The following PRUNE1 variants were observed in gnomAD, a reference collection of about 807,000 sequenced individuals.
The protein encoded by PRUNE1 is exopolyphosphatase PRUNE1.
A neutral mutation model predicts 42.5 loss-of-function variants in PRUNE1; 25 were observed. The ratio of observed to expected loss-of-function variants is 0.59; its 90% CI spans 0.43 to 0.82. PRUNE1 has a LOEUF of 0.82. PRUNE1 is among the 40% of genes least tolerant of loss of function. The pLI is 0.00. For missense variants in PRUNE1, 443 were observed against 539.3 expected (o/e 0.82, Z 1.77); for synonymous variants, 203 against 217.1 (o/e 0.93, Z 0.57).
rs372676216 is a variant in PRUNE1, at chr1:151,018,116, A to G, written c.132+212A>G. On this transcript the variant is annotated intron_variant, in intron 2 of 7. Transcript: ENST00000271620. ...AGTGAGCAAATATATTTCGAGGGAT[A>G]TGTAAACCATAAAGCAATATTCAAA... is the stretch of plus-strand genomic sequence containing the variant. 9.2e-5 allele frequency among the ~76,000 whole-genome samples: 14 copies of G among 152,184 alleles called. 1 individual carries two copies. The East Asian group carries it at 1.2e-3, about 13-fold the overall frequency.
rs376932344 is a variant in PRUNE1, at chr1:151,008,555, G to A, written c.-78G>A. The A allele has an allele frequency of 8.5e-5, 132 of 1,550,926 alleles. No homozygotes were observed. In the African/African-American group the frequency reaches 1.7e-3, roughly 20 times the overall value. On this transcript the variant is annotated 5_prime_UTR_variant, in exon 1 of 8. Transcript: ENST00000271620. ...CTAGTCCCTGAGTCCCGGGCGGGCT[G>A]CATTCGTCGGGGAAACCTCTCCTCG...
chr1:151,028,882 A>G lies in PRUNE1; in HGVS notation c.871A>G (p.Thr291Ala), dbSNP rs940068920. Residue 291 changes from threonine to alanine, a missense_variant, in exon 7 of 8, where the codon ACT becomes GCT. Thr to Ala is a moderately conservative substitution (Grantham distance 58). Coordinates refer to ENST00000271620, the MANE Select transcript of PRUNE1 (RefSeq NM_021222.3). ...GGTTGCCATGACTATCTTTTTCAAC[A>G]CTCACAATGAGCCAGTGCGGCAGTT... Reference protein sequence around the residue: ...VLVAMTIFFNTHNEPVRQLAI... With the variant: ...VLVAMTIFFNAHNEPVRQLAI... The G allele has an allele frequency of 7.4e-6, 12 of 1,613,356 alleles. No homozygotes were observed. Among genetic ancestry groups the G allele is most frequent in the African/African-American group, 1.3e-5 (1 of 74,710 alleles).
chr1:151,020,528 T>C (rs6673336), intron 3 of PRUNE1, among the ~76,000 whole-genome samples: 2,270 of 151,584 alleles, frequency 0.015, 54 homozygotes, highest in African/African-American at 0.05. Flanking sequence ...TTTGGGAGGG[T>C]GAAACAGGAG....
In PRUNE1 at chr1:151,033,929, C is replaced by G. The variant is rs1487546795; in HGVS notation, c.1057C>G (p.Pro353Ala). 6.2e-7 allele frequency: 1 copy of G among 1,614,082 alleles called. No individual in the cohort carries two copies. Among genetic ancestry groups the G allele is most frequent in the Non-Finnish European group, 8.5e-7 (1 of 1,179,964 alleles). The change falls in exon 8 of 8, where the codon CCC (proline) becomes GCC (alanine). Residue 353 changes from proline (P) to alanine (A), a missense_variant. Transcript: ENST00000271620. ...CCAGGTCTCTCGAAAGAAACTTCTG[C>G]CCCTGCTCCAGGAAGCCCTGTCAGC... is the stretch of plus-strand genomic sequence containing the variant. ...NTQVSRKKLL[P>A]LLQEALSAYF...
rs1196134468 is a variant in PRUNE1 at position 151,024,600 on chromosome 1, C to T, written c.336-11C>T. ...CTTTCTTCCTCTTTTCCCATACCCTCCCCTCCACAGAAGTGACACAGCCCT... is the reference window on the plus strand; with the variant it reads ...CTTTCTTCCTCTTTTCCCATACCCTTCCCTCCACAGAAGTGACACAGCCCT... On this transcript the variant is annotated splice_polypyrimidine_tract_variant and intron_variant, in intron 3 of 7. Coordinates refer to ENST00000271620, the MANE Select transcript of PRUNE1 (RefSeq NM_021222.3). 1 of 1,594,526 alleles carries T rather than the reference C, an allele frequency of 6.3e-7. No homozygotes were observed. Among genetic ancestry groups the T allele is most frequent in the Non-Finnish European group, 8.6e-7 (1 of 1,162,306 alleles).
chr1:151,013,582 G>T (rs1216315495), intron 1 of PRUNE1, among the ~76,000 whole-genome samples: 1 of 152,154 alleles, frequency 6.6e-6, no homozygotes, highest in East Asian at 1.9e-4. Context: ...AAATAAGCGT[G>T]GAAAGGTTCT....
chr1:151,034,449 T>C lies in PRUNE1; in HGVS notation c.*215T>C. On this transcript the variant is annotated 3_prime_UTR_variant, in exon 8 of 8. Coordinates refer to ENST00000271620, the MANE Select transcript of PRUNE1 (RefSeq NM_021222.3). ...CCTAATCTCTACCAATCAGACACAT[T>C]TTATTATTTAAATCTGCACCTCTCT... The C allele has an allele frequency of 7.3e-6, 4 of 548,128 alleles. No homozygotes were observed. Among genetic ancestry groups the C allele is most frequent in the South Asian group, 2.4e-5 (1 of 41,610 alleles). The allele number at this position is 548,128 out of a possible 1,614,324, so 34.0% of individuals were successfully genotyped here. A position where few individuals can be genotyped will look rare whatever the true frequency, so the allele number is the denominator to read the frequency against.
Position 151,008,522 on chromosome 1 carries a change from T to C in PRUNE1, c.-111T>C. The C allele has an allele frequency of 1.4e-6, 2 of 1,409,194 alleles. No individual in the cohort carries two copies. The highest frequency in any genetic ancestry group is 1.4e-5 in the African/African-American group (1 of 70,972). The allele number at this position is 1,409,194 out of a possible 1,614,324, so 87.3% of individuals were successfully genotyped here. ...GCGGGTTCGAGTCCCGCCTCCTGAC[T>C]CTGGCCTCTAGTCCCTGAGTCCCGG... On this transcript the variant is annotated 5_prime_UTR_variant, in exon 1 of 8. Transcript: ENST00000271620.
chr1:151,027,495 C>T (rs1293024965), intron 6 of PRUNE1, among the ~76,000 whole-genome samples, 168 bp downstream of exon 6: 1 of 152,064 alleles, frequency 6.6e-6, no homozygotes, highest in Non-Finnish European at 1.5e-5. Flanking sequence ...CACTGCACCG[C>T]TGTATTAGCC....
chr1:151,033,107 C>T (rs764139092), intron 7 of PRUNE1, among the ~76,000 whole-genome samples: 16 of 127,634 alleles, frequency 1.3e-4, no homozygotes, highest in East Asian at 4.8e-4. Flanking sequence ...TTTTTTGAGA[C>T]GGAGTTTCGC....
At chr1:151,030,705 C>T (rs748406974) in intron 7 of PRUNE1, among the ~76,000 whole-genome samples, 1 of 152,062 alleles carries the variant, frequency 6.6e-6, no homozygotes, top group African/African-American at 2.4e-5. Flanking sequence ...AGGCAGGTCT[C>T]GAACTCCTGA....
chr1:151,035,634 T>C lies in PRUNE1; in HGVS notation c.*1400T>C, dbSNP rs1276664136. ...GAAGGTAAAAATAGTGGTGTGATCA[T>C]GAACCAAAGGAATTTATGTTTTGTA... On this transcript the variant is annotated 3_prime_UTR_variant, in exon 8 of 8. Coordinates refer to ENST00000271620, the MANE Select transcript of PRUNE1 (RefSeq NM_021222.3). 6.6e-6 allele frequency: 1 copy of C among 152,632 alleles called. No individual in the cohort carries two copies. The highest frequency in any genetic ancestry group is 1.5e-5 in the Non-Finnish European group (1 of 68,042). 9.5% of individuals were successfully genotyped at this position (152,632 alleles called of 1,614,324 possible).
chr1:151,024,478 A>G (rs1674692413), intron 3 of PRUNE1, 133 bp from the exon 4 acceptor site: 3 of 843,090 alleles, frequency 3.6e-6, no homozygotes, highest in Non-Finnish European at 5.6e-6. Flanking sequence ...CTGGGCGACA[A>G]GAGTGAAACT....
At chr1:151,008,984 A>G (rs77664983) in intron 1 of PRUNE1, 8,147 of 536,176 alleles carry the variant, frequency 0.015, 107 homozygotes, top group African/African-American at 0.048. Context: ...GGTCAGTTCC[A>G]TCAAAAAAAC....
chr1:151,016,558 A>G (rs1005293730), intron 1 of PRUNE1, among the ~76,000 whole-genome samples: 19 of 151,838 alleles, frequency 1.3e-4, no homozygotes, highest in African/African-American at 4.6e-4. Context: ...CTGGAGTGCA[A>G]AGGCGCAATC....
At position 151,008,543 on chromosome 1, in the gene PRUNE1, C is replaced by A; in HGVS notation, c.-90C>A. ...TGACTCTGGCCTCTAGTCCCTGAGT[C>A]CCGGGCGGGCTGCATTCGTCGGGGA... On this transcript the variant is annotated 5_prime_UTR_variant, in exon 1 of 8. Coordinates refer to ENST00000271620, the MANE Select transcript of PRUNE1 (RefSeq NM_021222.3). 6.6e-7 allele frequency: 1 copy of A among 1,514,876 alleles called. No homozygotes were observed. The highest frequency in any genetic ancestry group is 2.3e-5 in the East Asian group (1 of 44,394). 93.8% of individuals were successfully genotyped at this position (1,514,876 alleles called of 1,614,324 possible).
chr1:151,018,724 G>A lies in PRUNE1; in HGVS notation c.335+55G>A, dbSNP rs1558077641. ...ATCATGTACCATGCTGGGCTCTGAT[G>A]AGTGAGATATAAAGAGAGGAAGAAA... On this transcript the variant is annotated intron_variant, in intron 3 of 7. Coordinates refer to ENST00000271620, the MANE Select transcript of PRUNE1 (RefSeq NM_021222.3). 3.3e-6 allele frequency: 5 copies of A among 1,505,492 alleles called. No individual in the cohort carries two copies. The South Asian group carries it at 3.5e-5, about 10-fold the overall frequency. 93.3% of individuals were successfully genotyped at this position (1,505,492 alleles called of 1,614,324 possible).
At chr1:151,017,943 C>A in intron 2 of PRUNE1, 39 bp downstream of exon 2, 1 of 1,412,418 alleles carries the variant, frequency 7.1e-7, no homozygotes, top group Non-Finnish European at 1.0e-6. Flanking sequence ...CTGAGTCCCT[C>A]AGAACGAAAA....
At position 151,008,554 on chromosome 1, in the gene PRUNE1, T is replaced by G. The variant is rs1225560519; in HGVS notation, c.-79T>G. 7 of 1,551,690 alleles carry G rather than the reference T, an allele frequency of 4.5e-6. No homozygotes were observed. The highest frequency in any genetic ancestry group is 6.2e-6 in the Non-Finnish European group (7 of 1,123,390). ...TCTAGTCCCTGAGTCCCGGGCGGGC[T>G]GCATTCGTCGGGGAAACCTCTCCTC... is the stretch of plus-strand genomic sequence containing the variant. On this transcript the variant is annotated 5_prime_UTR_variant, in exon 1 of 8. Transcript: ENST00000271620.
Sources: gnomAD v4.1 joint callset for allele counts (sites outside exome capture counted in the v4.1 genomes callset) on GRCh38, gnomAD v4.1.1 for gene constraint, MANE v1.5 for transcripts, NCBI Gene and HGNC (gene_info 2026-07-23, HGNC 2026-07-21) for gene names.